ERG28: variants seen among roughly 807,000 people sequenced by gnomAD.
ERG28 encodes ergosterol biosynthetic protein 28 homolog.
In ERG28, 9 loss-of-function variants were observed where a neutral mutation model predicts 15.7. That is an observed-to-expected ratio of 0.57 (90% CI 0.35 to 1.00). ERG28 has a LOEUF of 1.00. Ranked by LOEUF, ERG28 falls within the 50% of genes least tolerant of loss-of-function variation. The pLI, the probability that ERG28 is intolerant of heterozygous loss-of-function variation, is 0.02. For missense variants in ERG28, 117 were observed against 173.3 expected (o/e 0.68, Z 1.82); for synonymous variants, 61 against 68.4 (o/e 0.89, Z 0.53).
At chr14:75,660,510 C>T (rs1327074752) in intron 1 of ERG28, among the ~76,000 whole-genome samples, 2 of 152,146 alleles carry the variant, frequency 1.3e-5, no homozygotes, top group Admixed American at 6.5e-5. Flanking sequence ...AATTATATGA[C>T]AAAAAGTGAA....
chr14:75,658,235 A>C (rs1484442463), intron 1 of ERG28, among the ~76,000 whole-genome samples: 1 of 152,234 alleles, frequency 6.6e-6, no homozygotes, highest in Non-Finnish European at 1.5e-5. Flanking sequence ...AGAATGACAC[A>C]ACAGATTCTT....
chr14:75,653,950 T>A (rs75148352), intron 3 of ERG28, among the ~76,000 whole-genome samples: 14 of 149,546 alleles, frequency 9.4e-5, no homozygotes, highest in African/African-American at 3.4e-4. Context: ...GAAAAAAAAT[T>A]AAAAAAAAAA....
chr14:75,651,831 A>G lies in ERG28; in HGVS notation c.283T>C (p.Leu95=), dbSNP rs761224740. ...GGAGCTGCAGTTCCATAGACAAACAACTCAGAGAGGAAATGCCCCAGGGCA... is the reference window on the plus strand; with the variant it reads ...GGAGCTGCAGTTCCATAGACAAACAGCTCAGAGAGGAAATGCCCCAGGGCA... ...LLALGHFLSE[L]FVYGTAAPTI... Residue 95 remains leucine, a synonymous_variant, in exon 4 of 5, where the codon TTG becomes CTG. Transcript: ENST00000256319. 1 of 1,614,144 alleles carries G rather than the reference A, an allele frequency of 6.2e-7. No homozygotes were observed. The highest frequency in any genetic ancestry group is 1.7e-5 in the Admixed American group (1 of 60,030).
At chr14:75,659,414 G>T (rs1228167951) in intron 1 of ERG28, among the ~76,000 whole-genome samples, 3 of 152,050 alleles carry the variant, frequency 2.0e-5, no homozygotes, top group Non-Finnish European at 2.9e-5. Context: ...CTGGAATGCA[G>T]TGGCATAGTC....
At chr14:75,652,209 T>C (rs1890535002) in intron 3 of ERG28, among the ~76,000 whole-genome samples, 1 of 152,208 alleles carries the variant, frequency 6.6e-6, no homozygotes, top group African/African-American at 2.4e-5. Flanking sequence ...TGTAGACAAC[T>C]TTGGATCCAG....
In ERG28 at chr14:75,652,900, T is replaced by C. The variant is rs575495748; in HGVS notation, c.225-1011A>G. 2.0e-5 allele frequency among the ~76,000 whole-genome samples: 3 copies of C among 146,614 alleles called. No individual in the cohort carries two copies. The Admixed American group carries it at 2.1e-4, about 10-fold the overall frequency. ...GTGCAGTGGCACAATCTTGGCTCAC[T>C]GCAACCTCCGCCTCTTGGGTCAAGT... is the stretch of plus-strand genomic sequence containing the variant. On this transcript the variant is annotated intron_variant, in intron 3 of 4. Transcript: ENST00000256319.
In ERG28 at chr14:75,651,602, G is replaced by A. The variant is rs751084984; in HGVS notation, c.376C>T (p.Arg126Trp). ...FSILGMLVGLRYLEVEPVSRQ... is the reference protein window; with the variant it reads ...FSILGMLVGLWYLEVEPVSRQ... ...GATACTGGTTCTACTTCTAGATACC[G>A]GAGCCCGACCAGCATACCCAGGATG... is the stretch of plus-strand genomic sequence containing the variant. Residue 126 changes from arginine (R) to tryptophan (W), a missense_variant, in exon 5 of 5, where the codon CGG (arginine) becomes TGG (tryptophan). Transcript: ENST00000256319. 21 of 1,613,506 alleles carry A rather than the reference G, an allele frequency of 1.3e-5. No homozygotes were observed. Among genetic ancestry groups the A allele is most frequent in the South Asian group, 4.4e-5 (4 of 91,064 alleles).
intron 1 of ERG28, among the ~76,000 whole-genome samples, 171 bp from the exon 2 acceptor site, chr14:75,657,704 C>A (rs1390922950): frequency 6.6e-6 from 1 of 152,212 alleles, no homozygotes; most frequent in Non-Finnish European, 1.5e-5. Flanking sequence ...CTTGTCTAAG[C>A]AATTTCTCCA....
At chr14:75,660,694 AT>A in intron 1 of ERG28, 80 bp downstream of exon 1, 1 of 151,044 alleles carries the variant, frequency 6.6e-6, no homozygotes, top group Non-Finnish European at 1.5e-5. Context: ...TCCCACCTCC[AT>A]TTTTCCAGAC....
Position 75,651,802 on chromosome 14 carries a change from C to G in ERG28, c.312G>C (p.Thr104=). 1.2e-6 allele frequency: 2 copies of G among 1,614,062 alleles called. No homozygotes were observed. Among genetic ancestry groups the G allele is most frequent in the Non-Finnish European group, 1.7e-6 (2 of 1,179,938 alleles). Residue 104 remains threonine, a synonymous_variant, in exon 4 of 5, where the codon ACG becomes ACC. Transcript: ENST00000256319. The stretch of plus-strand genomic sequence containing the variant: ...CCATCAGGGGTGCCAGGACGCCAAT[C>G]GTGGGAGCTGCAGTTCCATAGACAA... The part of the protein sequence containing the change: ...ELFVYGTAAP[T]IGVLAPLMVA...
chr14:75,658,712 C>G (rs957058117), intron 1 of ERG28, among the ~76,000 whole-genome samples: 1 of 152,122 alleles, frequency 6.6e-6, no homozygotes, highest in African/African-American at 2.4e-5. Context: ...GTCAGGACAA[C>G]CTTCAGGAAT....
intron 3 of ERG28, among the ~76,000 whole-genome samples, chr14:75,652,414 T>C (rs1383212801): frequency 2.0e-5 from 3 of 152,220 alleles, no homozygotes; most frequent in Admixed American, 2.0e-4. Flanking sequence ...CTTTGTGCCT[T>C]AGCCTAGAAA....
chr14:75,651,289 A>G lies in ERG28; in HGVS notation c.*266T>C. 3.3e-6 allele frequency: 1 copy of G among 303,860 alleles called. No individual in the cohort carries two copies. The allele number at this position is 303,860 out of a possible 1,614,324, so 18.8% of individuals were successfully genotyped here. On this transcript the variant is annotated 3_prime_UTR_variant, in exon 5 of 5. Transcript: ENST00000256319. Reference sequence around the variant, plus strand: ...AAGAGGTTGCAGGTAGGGGAAGGAGACACAGTGGGCTTCCGAGAAGCTGGC... The same window carrying G: ...AAGAGGTTGCAGGTAGGGGAAGGAGGCACAGTGGGCTTCCGAGAAGCTGGC...
At chr14:75,658,533 G>A (rs910076076) in intron 1 of ERG28, among the ~76,000 whole-genome samples, 2 of 152,126 alleles carry the variant, frequency 1.3e-5, no homozygotes, top group Admixed American at 6.5e-5. Context: ...ACCACCAACC[G>A]TGGACTGCTC....
At position 75,651,870 on chromosome 14, in the gene ERG28, A is replaced by C; in HGVS notation, c.244T>G (p.Trp82Gly). The C allele has an allele frequency of 1.9e-6, 3 of 1,612,916 alleles. No individual in the cohort carries two copies. The highest frequency in any genetic ancestry group is 2.5e-6 in the Non-Finnish European group (3 of 1,178,854). ...TGCCCCAGGGCAAGGAGGAAGGTCCAGAGTGTGATGTGATAGAGCCTATAA... is the reference window on the plus strand; with the variant it reads ...TGCCCCAGGGCAAGGAGGAAGGTCCCGAGTGTGATGTGATAGAGCCTATAA... ...HNKTLYHITL[W>G]TFLLALGHFL... Residue 82 changes from tryptophan (W) to glycine (G), a missense_variant, in exon 4 of 5, where the codon TGG becomes GGG. Trp to Gly is a radical substitution (Grantham distance 184). Coordinates refer to ENST00000256319, the MANE Select transcript of ERG28 (RefSeq NM_007176.4).
At chr14:75,659,722 A>G (rs935247795) in intron 1 of ERG28, among the ~76,000 whole-genome samples, 2 of 152,144 alleles carry the variant, frequency 1.3e-5, no homozygotes, top group African/African-American at 4.8e-5. Flanking sequence ...ATCTGTTGTC[A>G]GGTTAACCTC....
At chr14:75,654,226 A>T (rs1017301472) in intron 3 of ERG28, among the ~76,000 whole-genome samples, 19 of 152,248 alleles carry the variant, frequency 1.2e-4, no homozygotes, top group Non-Finnish European at 2.9e-5. Context: ...TTTAATGTGA[A>T]GTTGGCATTC....
chr14:75,652,817 CTTTT>C (rs59570063), intron 3 of ERG28, among the ~76,000 whole-genome samples: 3 of 96,210 alleles, frequency 3.1e-5, no homozygotes, highest in South Asian at 3.6e-4. Flanking sequence ...ATTTTTACAC[CTTTT>C]TTTTTTTTTT....
At chr14:75,660,023 T>C (rs1321674275) in intron 1 of ERG28, among the ~76,000 whole-genome samples, 2 of 152,030 alleles carry the variant, frequency 1.3e-5, no homozygotes, top group Non-Finnish European at 2.9e-5. Context: ...CAGGCCATTA[T>C]CATTTGGGCC....
Sources: gnomAD v4.1 joint callset for allele counts (sites outside exome capture counted in the v4.1 genomes callset) on GRCh38, gnomAD v4.1.1 for gene constraint, MANE v1.5 for transcripts, NCBI Gene and HGNC (gene_info 2026-07-23, HGNC 2026-07-21) for gene names.